CAGE1: variants seen among roughly 807,000 people sequenced by gnomAD.
CAGE1 encodes cancer-associated gene 1 protein.
A neutral mutation model predicts 94.9 loss-of-function variants in CAGE1; 66 were observed. That is an observed-to-expected ratio of 0.70 (90% CI 0.57 to 0.85). The LOEUF is 0.85. Among genes scored for constraint, CAGE1 ranks in the 40% least tolerant of loss-of-function variants. The probability of loss-of-function intolerance (pLI) is 0.00; values close to 1 mark genes in which losing one functional copy is unlikely to be tolerated. For missense variants in CAGE1, 865 were observed against 950.4 expected (o/e 0.91, Z 1.18); for synonymous variants, 319 against 321.0 (o/e 0.99, Z 0.07).
intron 7 of CAGE1, among the ~76,000 whole-genome samples, chr6:7,367,159 C>A (rs956319291): frequency 1.3e-5 from 2 of 152,096 alleles, no homozygotes; most frequent in Admixed American, 1.3e-4. Flanking sequence ...CTGCCCTCTT[C>A]CCTCCATCCC....
intron 9 of CAGE1, among the ~76,000 whole-genome samples, chr6:7,363,022 C>T (rs924967836): frequency 6.6e-6 from 1 of 152,118 alleles, no homozygotes; most frequent in Non-Finnish European, 1.5e-5. Context: ...CCAGTACTTC[C>T]CAGAGACTTT....
chr6:7,327,081 C>T (rs562313286), intron 13 of CAGE1, among the ~76,000 whole-genome samples, 182 bp from the exon 14 acceptor site: 4 of 152,214 alleles, frequency 2.6e-5, no homozygotes, highest in Admixed American at 6.5e-5. Flanking sequence ...GAGACAGAGT[C>T]TCACTCTGTT....
intron 11 of CAGE1, among the ~76,000 whole-genome samples, chr6:7,352,190 T>C (rs1759793834): frequency 1.3e-5 from 2 of 150,596 alleles, no homozygotes; most frequent in African/African-American, 2.4e-5. Context: ...CAACGTTTCC[T>C]GATACAAGAT....
chr6:7,331,228 G>A (rs1166361627), intron 12 of CAGE1: 3 of 436,860 alleles, frequency 6.9e-6, no homozygotes, highest in Non-Finnish European at 8.0e-6. Flanking sequence ...GTCACGGTAA[G>A]ATACACAGAA....
In CAGE1 at chr6:7,373,120, G is replaced by A; in HGVS notation, c.1699C>T (p.Gln567Ter). ...QNYVPKFETA[Q>*]LKDQLEEVLK... ...ACTTCCTCTAATTGATCCTTTAACT[G>A]AGCTGTCTCAAATTTAGGGACATAA... Residue 567 changes from glutamine (Q) to a stop codon, truncating the protein, a stop_gained, in exon 5 of 14, where the codon CAG becomes TAG. Coordinates refer to ENST00000502583, the MANE Select transcript of CAGE1 (RefSeq NM_001170692.2). LOFTEE classifies it high-confidence loss of function. 6.2e-7 allele frequency: 1 copy of A among 1,612,748 alleles called. No homozygotes were observed. Among genetic ancestry groups the A allele is most frequent in the Non-Finnish European group, 8.5e-7 (1 of 1,179,456 alleles).
intron 3 of CAGE1, among the ~76,000 whole-genome samples, chr6:7,385,414 T>C (rs9505188): frequency 0.11 from 15,988 of 152,068 alleles, 1,920 homozygotes; most frequent in African/African-American, 0.3. Context: ...GCAATCCTCC[T>C]GCCTTGGCCT....
At chr6:7,333,678 T>G (rs1200734622) in intron 12 of CAGE1, among the ~76,000 whole-genome samples, 28 of 38,222 alleles carry the variant, frequency 7.3e-4, no homozygotes, top group Middle Eastern at 0.03. Context: ...ATATATACAT[T>G]TTTTTTTTGA....
At chr6:7,379,112 T>A in intron 3 of CAGE1, 92 bp from the exon 4 acceptor site, 1 of 741,410 alleles carries the variant, frequency 1.3e-6, no homozygotes, top group Non-Finnish European at 2.0e-6. Context: ...TAAACTGCTG[T>A]AGCCACTTAA....
rs1330639607 is a variant in CAGE1 at position 7,373,054 on chromosome 6, T to G, written c.1746+19A>C. 2.6e-6 allele frequency: 4 copies of G among 1,536,404 alleles called. No homozygotes were observed. The highest frequency in any genetic ancestry group is 2.7e-6 in the Non-Finnish European group (3 of 1,131,800). On this transcript the variant is annotated intron_variant, in intron 5 of 13. Coordinates refer to ENST00000502583, the MANE Select transcript of CAGE1 (RefSeq NM_001170692.2). ...ACTCTTGAAATTCCGCATTAGAGAT[T>G]TAGAATGTGTATCAATACCTTGGTA...
intron 13 of CAGE1, among the ~76,000 whole-genome samples, chr6:7,329,551 A>G (rs1158479487): frequency 1.3e-5 from 2 of 152,238 alleles, no homozygotes; most frequent in African/African-American, 4.8e-5. Flanking sequence ...GGGGACCAAA[A>G]CTGGAGGCAG....
intron 11 of CAGE1, among the ~76,000 whole-genome samples, chr6:7,352,320 A>C (rs144093330): frequency 8.8e-5 from 13 of 148,360 alleles, no homozygotes; most frequent in South Asian, 6.3e-4. Context: ...AAAAAACAAA[A>C]AAAAAAAACC....
intron 4 of CAGE1, among the ~76,000 whole-genome samples, chr6:7,377,522 C>T (rs982710993): frequency 1.5e-4 from 23 of 152,072 alleles, no homozygotes; most frequent in African/African-American, 4.1e-4. Context: ...GCGGGTGGAT[C>T]GGCAGTTCAA....
intron 4 of CAGE1, 112 bp from the exon 5 acceptor site, chr6:7,374,243 C>G: frequency 1.2e-6 from 1 of 812,084 alleles, no homozygotes; most frequent in Non-Finnish European, 1.9e-6. Flanking sequence ...TTGGCTTTCT[C>G]CGCTATAAAG....
At chr6:7,371,440 C>T (rs1273521300) in intron 5 of CAGE1, among the ~76,000 whole-genome samples, 1 of 152,048 alleles carries the variant, frequency 6.6e-6, no homozygotes, top group Admixed American at 6.6e-5. Context: ...AAAGAGGGTC[C>T]ACTAAGGACA....
intron 11 of CAGE1, among the ~76,000 whole-genome samples, chr6:7,352,306 C>A (rs9502605): frequency 0.19 from 19,887 of 102,108 alleles, 1,853 homozygotes; most frequent in East Asian, 0.33. Context: ...AAAAAAAAAA[C>A]AAAAAAAAAC....
In CAGE1 at chr6:7,333,076, G is replaced by A. The variant is rs190210885; in HGVS notation, c.2438+946C>T. Among the ~76,000 whole-genome samples the A allele has an allele frequency of 4.3e-3, 655 of 151,930 alleles. 19 individuals carry two copies. The highest frequency in any genetic ancestry group is 0.038 in the Admixed American group (577 of 15,252). On this transcript the variant is annotated intron_variant, in intron 12 of 13. Coordinates refer to ENST00000502583, the MANE Select transcript of CAGE1 (RefSeq NM_001170692.2). ...AGCGATTCTCCTGCCTCAGCCTCCT[G>A]AGTAGCTGGGATTACAGGTGCCCAC...
At chr6:7,342,443 G>T (rs1759218297) in intron 11 of CAGE1, among the ~76,000 whole-genome samples, 1 of 152,174 alleles carries the variant, frequency 6.6e-6, no homozygotes, top group African/African-American at 2.4e-5. Context: ...TAGATGCTCT[G>T]GTCTCTGAGG....
At chr6:7,329,929 G>A (rs1362174335) in intron 12 of CAGE1, 41 bp from the exon 13 acceptor site, 7 of 912,488 alleles carry the variant, frequency 7.7e-6, no homozygotes, top group Non-Finnish European at 8.7e-6. Context: ...AAGGAGGAAG[G>A]GGGGACTGAA....
At position 7,386,985 on chromosome 6, in the gene CAGE1, C is replaced by T. The variant is rs1382186188; in HGVS notation, c.189G>A (p.Leu63=). Residue 63 remains leucine, a synonymous_variant, in exon 2 of 14, where the codon TTG becomes TTA. Transcript: ENST00000502583. ...ACTTATAAGCAATGCACACCTGAGG[C>T]AAGTCACAAGTGGTGCCGGTGGTTT... ...CMETTGTTCD[L]PQNEIKNFER... 1.3e-6 allele frequency: 2 copies of T among 1,549,748 alleles called. No individual in the cohort carries two copies. Among genetic ancestry groups the T allele is most frequent in the Non-Finnish European group, 1.7e-6 (2 of 1,144,998 alleles).
Sources: gnomAD v4.1 joint callset for allele counts (sites outside exome capture counted in the v4.1 genomes callset) on GRCh38, gnomAD v4.1.1 for gene constraint, MANE v1.5 for transcripts, NCBI Gene and HGNC (gene_info 2026-07-23, HGNC 2026-07-21) for gene names.